FHIT: variants seen among roughly 807,000 people sequenced by gnomAD.
FHIT encodes the protein fragile histidine triad diadenosine triphosphatase.
A neutral mutation model predicts 17.9 loss-of-function variants in FHIT; 19 were observed. The ratio of observed to expected loss-of-function variants is 1.06; its 90% CI spans 0.74 to 1.56. The LOEUF is 1.56. Among genes scored for constraint, FHIT ranks in the 40% most tolerant of loss-of-function variants. The pLI is 0.00. For synonymous variants in FHIT, 81 were observed against 69.7 expected, an observed-to-expected ratio of 1.16 and a Z score of -0.81; for missense variants, 248 against 189.2, an observed-to-expected ratio of 1.31 and a Z score of -1.82.
intron 5 of FHIT, among the ~76,000 whole-genome samples, chr3:60,526,630 C>T (rs1576814831): frequency 6.6e-6 from 1 of 152,170 alleles, no homozygotes; most frequent in South Asian, 2.1e-4. Context: ...AACAAGCCTC[C>T]CCTGCCCCAC....
chr3:59,969,352 T>G (rs1708073365), intron 7 of FHIT, among the ~76,000 whole-genome samples: 1 of 152,120 alleles, frequency 6.6e-6, no homozygotes, highest in South Asian at 2.1e-4. Context: ...TTCCTTAATT[T>G]CTTTTCTCAA....
chr3:60,274,303 C>G (rs1445653545), intron 5 of FHIT, among the ~76,000 whole-genome samples: 1 of 152,170 alleles, frequency 6.6e-6, no homozygotes, highest in African/African-American at 2.4e-5. Context: ...TGGTTCCACT[C>G]TCTTCCACTA....
At chr3:59,915,885 T>C (rs976150825) in intron 8 of FHIT, among the ~76,000 whole-genome samples, 2 of 150,736 alleles carry the variant, frequency 1.3e-5, no homozygotes, top group African/African-American at 2.4e-5. Flanking sequence ...TGAGCTATGA[T>C]TGGGCCACTG....
chr3:60,143,202 T>C (rs750887553), intron 5 of FHIT, among the ~76,000 whole-genome samples: 2 of 152,186 alleles, frequency 1.3e-5, no homozygotes, highest in African/African-American at 4.8e-5. Context: ...CCACGGTAGA[T>C]AGCATTGCCA....
chr3:61,002,382 C>T, intron 3 of FHIT, among the ~76,000 whole-genome samples: 1 of 152,194 alleles, frequency 6.6e-6, no homozygotes. Flanking sequence ...CCCACCTCAG[C>T]CTCCCGAGTA....
At chr3:60,441,786 A>G (rs377353934) in intron 5 of FHIT, among the ~76,000 whole-genome samples, 6,598 of 12,264 alleles carry the variant, frequency 0.54, 2,402 homozygotes, top group Non-Finnish European at 0.76. Flanking sequence ...GTATAAAAAT[A>G]TATATATATA....
In FHIT at chr3:59,749,180, A is replaced by C. The variant is rs950588548; in HGVS notation, c.*405T>G. The C allele has an allele frequency of 1.7e-5, 4 of 229,238 alleles. No homozygotes were observed. The highest frequency in any genetic ancestry group is 8.9e-5 in the African/African-American group (4 of 45,086). 14.2% of individuals were successfully genotyped at this position (229,238 alleles called of 1,614,324 possible). A position where few individuals can be genotyped will look rare whatever the true frequency, so the allele number is the denominator to read the frequency against. ...ATGTATAAAAATTCAATATGTAGAC[A>C]TTTTTTTTGAAAAGGGAAGAAATAA... On this transcript the variant is annotated 3_prime_UTR_variant, in exon 10 of 10. Coordinates refer to ENST00000492590, the MANE Select transcript of FHIT (RefSeq NM_002012.4).
At chr3:60,341,006 T>A (rs571367751) in intron 5 of FHIT, among the ~76,000 whole-genome samples, 12 of 152,132 alleles carry the variant, frequency 7.9e-5, no homozygotes, top group South Asian at 2.1e-4. Context: ...GAATTTTTTT[T>A]AAATGAAACA....
At chr3:60,016,278 T>C (rs1700341538) in intron 5 of FHIT, among the ~76,000 whole-genome samples, 1 of 152,092 alleles carries the variant, frequency 6.6e-6, no homozygotes, top group East Asian at 1.9e-4. Context: ...TAATCTAGAG[T>C]ATAGAGTTTT....
intron 4 of FHIT, among the ~76,000 whole-genome samples, chr3:60,691,201 A>T (rs2040981303): frequency 6.6e-6 from 1 of 151,802 alleles, no homozygotes; most frequent in South Asian, 2.1e-4. Context: ...TTGTGTTCTA[A>T]TTGCTTCTGC....
intron 8 of FHIT, among the ~76,000 whole-genome samples, chr3:59,754,562 T>C (rs999792240): frequency 3.3e-5 from 5 of 152,202 alleles, no homozygotes; most frequent in African/African-American, 9.6e-5. Flanking sequence ...AAATATGGCC[T>C]TCCCACTTCT....
intron 4 of FHIT, among the ~76,000 whole-genome samples, chr3:60,777,570 T>G (rs1387133719): frequency 6.6e-6 from 1 of 152,214 alleles, no homozygotes; most frequent in African/African-American, 2.4e-5. Context: ...TGGCTCTTAG[T>G]TGATTATCTC....
At chr3:60,454,073 G>A (rs2031927592) in intron 5 of FHIT, among the ~76,000 whole-genome samples, 1 of 152,096 alleles carries the variant, frequency 6.6e-6, no homozygotes, top group African/African-American at 2.4e-5. Flanking sequence ...CAGAACCCTA[G>A]CCATGCTGAT....
chr3:60,977,326 C>T (rs889189194), intron 3 of FHIT, among the ~76,000 whole-genome samples: 1 of 152,170 alleles, frequency 6.6e-6, no homozygotes, highest in African/African-American at 2.4e-5. Flanking sequence ...ATGAGCCACT[C>T]TGAACCCTGG....
At chr3:59,830,135 G>T (rs1176638854) in intron 8 of FHIT, among the ~76,000 whole-genome samples, 1 of 152,084 alleles carries the variant, frequency 6.6e-6, no homozygotes, top group African/African-American at 2.4e-5. Context: ...AATAAACTTT[G>T]TTATGCTGGG....
intron 5 of FHIT, among the ~76,000 whole-genome samples, chr3:60,025,516 C>T (rs948681457): frequency 6.7e-6 from 1 of 149,004 alleles, no homozygotes; most frequent in Non-Finnish European, 1.5e-5. Context: ...GAGCAATGTG[C>T]CATAATTCAC....
chr3:60,895,673 T>C (rs371053989), intron 3 of FHIT, among the ~76,000 whole-genome samples: 3,779 of 26,480 alleles, frequency 0.14, 188 homozygotes, highest in African/African-American at 0.31. Context: ...TTCCTTTCTT[T>C]CTTTCTTTCT....
At chr3:61,203,854 A>G (rs1236956713) in intron 1 of FHIT, among the ~76,000 whole-genome samples, 1 of 152,238 alleles carries the variant, frequency 6.6e-6, no homozygotes, top group East Asian at 1.9e-4. Context: ...CTATATAAGC[A>G]AAGAGGCCCT....
At chr3:60,537,030 T>A (rs2036009973) in intron 4 of FHIT, 51 bp from the exon 5 acceptor site, 2 of 1,512,968 alleles carry the variant, frequency 1.3e-6, no homozygotes, top group South Asian at 1.3e-5. Flanking sequence ...GAAACTCAGT[T>A]CATATACCAC....
Sources: gnomAD v4.1 joint callset for allele counts (sites outside exome capture counted in the v4.1 genomes callset) on GRCh38, gnomAD v4.1.1 for gene constraint, MANE v1.5 for transcripts, NCBI Gene and HGNC (gene_info 2026-07-23, HGNC 2026-07-21) for gene names.